Variants in PCDH15 observed in about 807,000 individuals in gnomAD.
PCDH15 encodes the protein protocadherin-15.
Under a neutral mutation model 178.5 loss-of-function variants are expected in PCDH15, and 129 were observed. The ratio of observed to expected loss-of-function variants is 0.72; its 90% CI spans 0.63 to 0.84. The LOEUF (loss-of-function observed/expected upper bound fraction) is 0.84, where lower values mean the gene tolerates loss of function less well. Among genes scored for constraint, PCDH15 ranks in the 40% least tolerant of loss-of-function variants. The pLI, the probability that PCDH15 is intolerant of heterozygous loss-of-function variation, is 0.00. For synonymous variants in PCDH15, 800 were observed against 732.0 expected (o/e 1.09, Z -1.50); for missense variants, 2,230 against 2,099.9 (o/e 1.06, Z -1.21).
chr10:54,383,922 G>A (rs1949584265), intron 3 of PCDH15, among the ~76,000 whole-genome samples: 1 of 151,506 alleles, frequency 6.6e-6, no homozygotes, highest in Admixed American at 6.6e-5. Context: ...GGGCTCAAGC[G>A]ATTCTCGTGA....
At chr10:55,022,144 T>C (rs1362640591) in intron 2 of PCDH15, among the ~76,000 whole-genome samples, 1 of 152,006 alleles carries the variant, frequency 6.6e-6, no homozygotes, top group Non-Finnish European at 1.5e-5. Context: ...TAATTAATAA[T>C]GATATATCGT....
intron 3 of PCDH15, among the ~76,000 whole-genome samples, chr10:54,841,228 C>T (rs746813466): frequency 6.6e-5 from 10 of 151,568 alleles, no homozygotes; most frequent in Non-Finnish European, 1.2e-4. Flanking sequence ...TGTTTCTGAC[C>T]GCATGATATG....
intron 3 of PCDH15, among the ~76,000 whole-genome samples, chr10:54,814,594 T>A (rs2082838126): frequency 6.6e-6 from 1 of 152,160 alleles, no homozygotes. Flanking sequence ...ATAAAGGGTC[T>A]TTTCTGATCT....
At chr10:55,404,853 A>G (rs371616100) in intron 2 of PCDH15, among the ~76,000 whole-genome samples, 1 of 151,952 alleles carries the variant, frequency 6.6e-6, no homozygotes, top group East Asian at 1.9e-4. Flanking sequence ...CTACATATTT[A>G]TATTTAATCA....
intron 23 of PCDH15, among the ~76,000 whole-genome samples, chr10:53,953,452 CATTATAAAAGTAAACATATGAGGCA>C (rs1245072540): frequency 6.6e-6 from 1 of 151,802 alleles, no homozygotes; most frequent in African/African-American, 2.4e-5. Context: ...TAACTCTGGC[CATTATAAAAGTAAACATATGAGGCA>C]ATTTTCTTGC....
rs953127609 is a variant in PCDH15, at chr10:55,336,153, A to C, written c.-155-169502T>G. Among the ~76,000 whole-genome samples, 6 of 131,960 alleles carry C rather than the reference A, an allele frequency of 4.5e-5. No homozygotes were observed. The South Asian group carries it at 1.2e-3, about 27-fold the overall frequency. The allele number at this position is 131,960 out of a possible 152,430, so 86.6% of individuals were successfully genotyped here. ...AAAAAAAAAAAAAAAAAAAAAAAAA[A>C]ACAGTAGAAGTTGGAAGTTCTCTCT... On this transcript the variant is annotated intron_variant, in intron 2 of 5. Transcript: ENST00000613346.
At chr10:55,134,999 A>C (rs1838150257) in intron 2 of PCDH15, among the ~76,000 whole-genome samples, 1 of 152,160 alleles carries the variant, frequency 6.6e-6, no homozygotes, top group African/African-American at 2.4e-5. Context: ...ACAAGATCTT[A>C]GTTTTAAACA....
chr10:55,391,777 C>T (rs549116840), intron 2 of PCDH15, among the ~76,000 whole-genome samples: 2 of 152,310 alleles, frequency 1.3e-5, no homozygotes, highest in African/African-American at 4.8e-5. Context: ...TGAGTCACCA[C>T]GCCCTGCCAG....
At chr10:55,050,287 T>C (rs1042687965) in intron 2 of PCDH15, among the ~76,000 whole-genome samples, 1 of 152,014 alleles carries the variant, frequency 6.6e-6, no homozygotes, top group African/African-American at 2.4e-5. Flanking sequence ...TTATACATTA[T>C]GGGTTAGTAA....
At chr10:55,303,641 GT>G (rs968169497) in intron 1 of PCDH15, among the ~76,000 whole-genome samples, 8 of 151,706 alleles carry the variant, frequency 5.3e-5, no homozygotes, top group African/African-American at 1.9e-4. Context: ...GGTAGTTGGT[GT>G]TTTTTTTGGT....
chr10:55,103,625 T>G lies in PCDH15; in HGVS notation c.-80+62951A>C, dbSNP rs1377016334. Among the ~76,000 whole-genome samples, 4 of 152,176 alleles carry G rather than the reference T, an allele frequency of 2.6e-5. No homozygotes were observed. In the East Asian group the frequency reaches 7.7e-4, roughly 29 times the overall value. On this transcript the variant is annotated intron_variant, in intron 2 of 5. Transcript: ENST00000458638. ...ATAGCAATGATGGCATCTTCAATGG[T>G]GTAATCCTTCCTGATTTTCATGATA... is the stretch of plus-strand genomic sequence containing the variant.
chr10:55,200,047 C>T (rs2120764), intron 1 of PCDH15, among the ~76,000 whole-genome samples: 34,833 of 151,980 alleles, frequency 0.23, 4,198 homozygotes, highest in East Asian at 0.29. Flanking sequence ...TACACATTGT[C>T]CCCACTGGGG....
chr10:54,781,603 T>G (rs1283718506), intron 1 of PCDH15, among the ~76,000 whole-genome samples: 1 of 152,126 alleles, frequency 6.6e-6, no homozygotes, highest in African/African-American at 2.4e-5. Context: ...ACTAACATAG[T>G]TTTCCAATAA....
intron 2 of PCDH15, among the ~76,000 whole-genome samples, chr10:55,471,848 T>C (rs926707408): frequency 6.6e-6 from 1 of 152,176 alleles, no homozygotes; most frequent in African/African-American, 2.4e-5. Context: ...TCTCCCCTTA[T>C]ATGCAGGACT....
intron 2 of PCDH15, among the ~76,000 whole-genome samples, chr10:55,339,290 TAAC>T (rs34058084): frequency 1.4e-3 from 209 of 150,654 alleles, no homozygotes; most frequent in Middle Eastern, 3.5e-3. Context: ...CCATAACAAT[TAAC>T]AACAACAACA....
chr10:54,650,436 T>C (rs926942823), intron 2 of PCDH15, among the ~76,000 whole-genome samples: 4 of 152,140 alleles, frequency 2.6e-5, no homozygotes, highest in African/African-American at 9.7e-5. Flanking sequence ...CTTGTGAACA[T>C]TAAAGAATAT....
intron 4 of PCDH15, among the ~76,000 whole-genome samples, chr10:54,371,753 T>G (rs891076251): frequency 6.6e-6 from 1 of 151,874 alleles, no homozygotes; most frequent in Non-Finnish European, 1.5e-5. Flanking sequence ...AGAGTATAGT[T>G]TATGTTAGAA....
At chr10:55,300,626 C>T (rs187588739) in intron 1 of PCDH15, among the ~76,000 whole-genome samples, 23 of 151,936 alleles carry the variant, frequency 1.5e-4, no homozygotes, top group East Asian at 5.8e-4. Context: ...GAGATTTTTC[C>T]GGGAATTCTT....
At chr10:54,216,044 GAAA>G (rs10648282) in intron 9 of PCDH15, among the ~76,000 whole-genome samples, 298 of 70,352 alleles carry the variant, frequency 4.2e-3, no homozygotes, top group African/African-American at 7.2e-3. Flanking sequence ...CTCCGTCTCA[GAAA>G]AAAAAAAAAA....
Sources: gnomAD v4.1 joint callset for allele counts (sites outside exome capture counted in the v4.1 genomes callset) on GRCh38, gnomAD v4.1.1 for gene constraint, MANE v1.5 for transcripts, NCBI Gene and HGNC (gene_info 2026-07-23, HGNC 2026-07-21) for gene names.